The following SEMA3D variants were observed in gnomAD, a reference collection of about 807,000 sequenced individuals.
The protein encoded by SEMA3D is semaphorin 3D.
SEMA3D carries 84 observed loss-of-function variants against 100.1 expected under a neutral mutation model. That is an observed-to-expected ratio of 0.84 (90% CI 0.70 to 1.01). The LOEUF is 1.01. Among genes scored for constraint, SEMA3D ranks in the 50% least tolerant of loss-of-function variants. SEMA3D has a pLI of 0.00. For missense variants in SEMA3D, 875 were observed against 934.1 expected (o/e 0.94, Z 0.82); for synonymous variants, 312 against 320.7 (o/e 0.97, Z 0.29).
chr7:85,123,510 A>G (rs569651337), intron 2 of SEMA3D, among the ~76,000 whole-genome samples: 1 of 152,144 alleles, frequency 6.6e-6, no homozygotes, highest in African/African-American at 2.4e-5. Flanking sequence ...AATGTCTCCC[A>G]GACTTTGAAT....
At chr7:85,099,801 G>A (rs1359304640) in intron 3 of SEMA3D, among the ~76,000 whole-genome samples, 2 of 151,936 alleles carry the variant, frequency 1.3e-5, no homozygotes, top group Admixed American at 6.6e-5. Context: ...CTTTTCATAC[G>A]CTTATTTGCC....
intron 1 of SEMA3D, among the ~76,000 whole-genome samples, chr7:85,164,910 A>C (rs991450189): frequency 6.6e-6 from 1 of 152,106 alleles, no homozygotes; most frequent in Non-Finnish European, 1.5e-5. Context: ...AAGAGCTGTA[A>C]TTTAGGCAGA....
chr7:85,155,110 T>C (rs143114583), intron 1 of SEMA3D, among the ~76,000 whole-genome samples: 34 of 150,894 alleles, frequency 2.3e-4, no homozygotes, highest in African/African-American at 8.3e-4. Flanking sequence ...ACAGAAAGCA[T>C]CTGTACACCC....
chr7:85,206,230 C>T, the SEMA3D span, among the ~76,000 whole-genome samples: 1 of 152,088 alleles, frequency 6.6e-6, no homozygotes, highest in Admixed American at 6.6e-5. Flanking sequence ...CATGACTCTG[C>T]TTTCATTCCT....
intron 4 of SEMA3D, among the ~76,000 whole-genome samples, chr7:85,082,339 C>A (rs1457614950): frequency 6.6e-6 from 1 of 152,182 alleles, no homozygotes; most frequent in Non-Finnish European, 1.5e-5. Flanking sequence ...GCTTCACGAT[C>A]TTGAGTTCAA....
the SEMA3D span, among the ~76,000 whole-genome samples, chr7:85,222,891 G>A: frequency 1.3e-5 from 2 of 152,066 alleles, no homozygotes; most frequent in East Asian, 1.9e-4. Flanking sequence ...GAAAATTTTC[G>A]CAAACCATGC....
intron 1 of SEMA3D, among the ~76,000 whole-genome samples, chr7:85,172,413 A>G (rs1372645783): frequency 2.0e-5 from 3 of 151,982 alleles, no homozygotes; most frequent in African/African-American, 7.2e-5. Context: ...TTTCACTTCA[A>G]CTTGCTCAGA....
At chr7:85,014,418 A>T (rs1055489359) in intron 16 of SEMA3D, among the ~76,000 whole-genome samples, 1 of 151,872 alleles carries the variant, frequency 6.6e-6, no homozygotes, top group African/African-American at 2.4e-5. Context: ...ATTCTTGAAC[A>T]TATAACTTTG....
the SEMA3D span, among the ~76,000 whole-genome samples, chr7:85,220,281 T>C: frequency 6.6e-6 from 1 of 151,690 alleles, no homozygotes; most frequent in African/African-American, 2.4e-5. Context: ...CAAGCCAGCC[T>C]AGAAAAATTT....
intron 1 of SEMA3D, among the ~76,000 whole-genome samples, chr7:85,181,188 G>A (rs1004875932): frequency 1.3e-5 from 2 of 152,078 alleles, no homozygotes; most frequent in East Asian, 1.9e-4. Context: ...GCTACCCCAC[G>A]CCAATCTTGC....
chr7:85,155,494 C>A (rs1306966276), intron 1 of SEMA3D, among the ~76,000 whole-genome samples: 1 of 152,060 alleles, frequency 6.6e-6, no homozygotes, highest in Non-Finnish European at 1.5e-5. Context: ...TTTAGTCATA[C>A]TGAAACTTAA....
At chr7:85,007,283 T>TG (rs1213292358) in intron 17 of SEMA3D, among the ~76,000 whole-genome samples, 4 of 151,890 alleles carry the variant, frequency 2.6e-5, no homozygotes, top group Admixed American at 6.6e-5. Context: ...AATACTTTTT[T>TG]GTTAATATAA....
chr7:85,062,668 C>T (rs1791509506), intron 8 of SEMA3D, among the ~76,000 whole-genome samples: 1 of 152,146 alleles, frequency 6.6e-6, no homozygotes, highest in African/African-American at 2.4e-5. Context: ...CTTGTAACAA[C>T]CTTAAAGCAA....
rs546808525 is a variant in SEMA3D at position 85,103,242 on chromosome 7, C to T, written c.152-5277G>A. On this transcript the variant is annotated intron_variant, in intron 3 of 18. Coordinates refer to ENST00000284136, the MANE Select transcript of SEMA3D (RefSeq NM_001384900.1). ...TAATTTTAGAGCCTGTATCTTAACA[C>T]GTAAAGCTAAGACACTCAGTGGATT... 3.3e-5 allele frequency among the ~76,000 whole-genome samples: 5 copies of T among 152,040 alleles called. No individual in the cohort carries two copies. The East Asian group carries it at 5.8e-4, about 18-fold the overall frequency.
the SEMA3D span, among the ~76,000 whole-genome samples, chr7:85,227,603 C>G: frequency 2.6e-5 from 4 of 152,100 alleles, no homozygotes; most frequent in Admixed American, 1.3e-4. Flanking sequence ...TATAGCAGCA[C>G]AAACAGACTG....
At chr7:85,222,124 C>T in the SEMA3D span, among the ~76,000 whole-genome samples, 1 of 152,024 alleles carries the variant, frequency 6.6e-6, no homozygotes, top group African/African-American at 2.4e-5. Context: ...ATTAGCAAAA[C>T]ATCTGAAAGT....
the SEMA3D span, among the ~76,000 whole-genome samples, chr7:85,193,875 GAAA>G: frequency 7.1e-6 from 1 of 140,586 alleles, no homozygotes; most frequent in Admixed American, 7.0e-5. Context: ...CATACTAAAG[GAAA>G]AAAAAAAAAA....
At chr7:85,239,901 T>C in the SEMA3D span, among the ~76,000 whole-genome samples, 4 of 152,196 alleles carry the variant, frequency 2.6e-5, no homozygotes, top group African/African-American at 9.7e-5. Flanking sequence ...TAACTATTTA[T>C]TTTCCAGAAG....
At chr7:85,048,176 A>G (rs1791062289) in intron 9 of SEMA3D, among the ~76,000 whole-genome samples, 1 of 151,828 alleles carries the variant, frequency 6.6e-6, no homozygotes, top group South Asian at 2.1e-4. Flanking sequence ...TTTTGATTTA[A>G]TGCCTGTTAT....
Sources: allele counts gnomAD v4.1 joint callset (sites outside exome capture counted in the v4.1 genomes callset), GRCh38; gene constraint gnomAD v4.1.1; transcripts MANE v1.5; gene names NCBI Gene and HGNC (gene_info 2026-07-23, HGNC 2026-07-21).